The following GABBR2 variants were observed in gnomAD, a reference collection of about 807,000 sequenced individuals.
The protein encoded by GABBR2 is G-protein coupled receptor 51.
A neutral mutation model predicts 105.6 loss-of-function variants in GABBR2; 23 were observed. The observed-to-expected ratio is 0.22, with a 90% CI of 0.16 to 0.31. GABBR2 has a LOEUF of 0.31. Among genes scored for constraint, GABBR2 ranks in the 10% least tolerant of loss-of-function variants. The pLI, the probability that GABBR2 is intolerant of heterozygous loss-of-function variation, is 1.00. For missense variants in GABBR2, 734 were observed against 1,245.5 expected, an observed-to-expected ratio of 0.59 and a Z score of 6.18; for synonymous variants, 478 against 499.7, an observed-to-expected ratio of 0.96 and a Z score of 0.58.
At chr9:98,477,166 T>C (rs1427259869) in intron 5 of GABBR2, among the ~76,000 whole-genome samples, 2 of 152,232 alleles carry the variant, frequency 1.3e-5, no homozygotes, top group Non-Finnish European at 2.9e-5. Context: ...GTGCCTGGTA[T>C]ACAGGGGCTA....
At chr9:98,708,003 G>A (rs1830922836) in intron 1 of GABBR2, among the ~76,000 whole-genome samples, 1 of 152,230 alleles carries the variant, frequency 6.6e-6, no homozygotes, top group Admixed American at 6.5e-5. Flanking sequence ...CCGGCCCTGG[G>A]TGGCCCAGTT....
chr9:98,324,654 G>A (rs1830888848), intron 13 of GABBR2, among the ~76,000 whole-genome samples: 1 of 152,166 alleles, frequency 6.6e-6, no homozygotes, highest in Admixed American at 6.5e-5. Flanking sequence ...TTCCAAAACA[G>A]GATGCGTAAT....
intron 3 of GABBR2, among the ~76,000 whole-genome samples, chr9:98,509,329 G>A (rs1270280129): frequency 6.6e-6 from 1 of 152,174 alleles, no homozygotes; most frequent in African/African-American, 2.4e-5. Flanking sequence ...AAAAAACAGA[G>A]CAGAAAAACT....
At chr9:98,410,004 T>C (rs1422654036) in intron 7 of GABBR2, among the ~76,000 whole-genome samples, 1 of 152,126 alleles carries the variant, frequency 6.6e-6, no homozygotes, top group Non-Finnish European at 1.5e-5. Context: ...CAACAGGGCA[T>C]GGTGGGAACA....
rs150814272 is a variant in GABBR2, at chr9:98,428,382, G to T, written c.1237-22241C>A. On this transcript the variant is annotated intron_variant, in intron 7 of 18. Transcript: ENST00000259455. Reference sequence around the variant, plus strand: ...GGAGACGCAGCTCCAAAGCAGGGAGGAAGGCAAAGGCTGCACCTGACCAAT... The same window carrying T: ...GGAGACGCAGCTCCAAAGCAGGGAGTAAGGCAAAGGCTGCACCTGACCAAT... Among the ~76,000 whole-genome samples, 6 of 152,318 alleles carry T rather than the reference G, an allele frequency of 3.9e-5. No individual in the cohort carries two copies. In the East Asian group the frequency reaches 1.2e-3, roughly 29 times the overall value.
At chr9:98,696,457 G>T (rs1485881717) in intron 1 of GABBR2, among the ~76,000 whole-genome samples, 1 of 152,170 alleles carries the variant, frequency 6.6e-6, no homozygotes, top group Admixed American at 6.5e-5. Flanking sequence ...CTGGGAGGCC[G>T]CTGGACTGGT....
chr9:98,557,787 A>G (rs1828610965), intron 2 of GABBR2, among the ~76,000 whole-genome samples: 1 of 152,200 alleles, frequency 6.6e-6, no homozygotes, highest in African/African-American at 2.4e-5. Context: ...TTTTTCATTC[A>G]TGGCATTTAG....
intron 1 of GABBR2, among the ~76,000 whole-genome samples, chr9:98,586,297 T>A (rs941201509): frequency 6.7e-6 from 1 of 150,326 alleles, no homozygotes; most frequent in Non-Finnish European, 1.5e-5. Flanking sequence ...TTTTTTTTTT[T>A]TTTTTGTTTG....
At chr9:98,428,632 A>G (rs1825742437) in intron 7 of GABBR2, among the ~76,000 whole-genome samples, 1 of 152,218 alleles carries the variant, frequency 6.6e-6, no homozygotes, top group Admixed American at 6.5e-5. Flanking sequence ...CATGACTGGA[A>G]CTAAGCCAAT....
chr9:98,546,796 CT>C lies in GABBR2; in HGVS notation c.460-4754del, dbSNP rs1479824674. 3.5e-5 allele frequency among the ~76,000 whole-genome samples: 2 copies of C among 57,452 alleles called. 1 individual carries two copies. Among genetic ancestry groups the C allele is most frequent in the Non-Finnish European group, 9.2e-5 (2 of 21,764 alleles). The allele number at this position is 57,452 out of a possible 152,430, so 37.7% of individuals were successfully genotyped here. The stretch of plus-strand genomic sequence containing the variant: ...CCATCTCTTCTTTTTTAATGCTTCC[CT>C]TTTTTTGTTTCCTTTTGTTCCCGCT... On this transcript the variant is annotated intron_variant, in intron 2 of 18. Coordinates refer to ENST00000259455, the MANE Select transcript of GABBR2 (RefSeq NM_005458.8).
chr9:98,289,797 C>G lies in GABBR2; in HGVS notation c.*787G>C, dbSNP rs978726409. The G allele has an allele frequency of 6.5e-6, 1 of 152,682 alleles. No homozygotes were observed. The highest frequency in any genetic ancestry group is 1.5e-5 in the Non-Finnish European group (1 of 68,076). 9.5% of individuals were successfully genotyped at this position (152,682 alleles called of 1,614,324 possible). Reference sequence around the variant, plus strand: ...ATCCGATAGGAACACAAGGACATGGCCAACGTGGTGGGTGCATGACAGACT... The same window carrying G: ...ATCCGATAGGAACACAAGGACATGGGCAACGTGGTGGGTGCATGACAGACT... On this transcript the variant is annotated 3_prime_UTR_variant, in exon 19 of 19. Coordinates refer to ENST00000259455, the MANE Select transcript of GABBR2 (RefSeq NM_005458.8).
At chr9:98,498,752 G>T (rs1409061832) in intron 3 of GABBR2, among the ~76,000 whole-genome samples, 1 of 151,970 alleles carries the variant, frequency 6.6e-6, no homozygotes, top group Non-Finnish European at 1.5e-5. Context: ...TGGAAGATTG[G>T]TAACTAGTCA....
chr9:98,490,041 C>T (rs1314772595), intron 4 of GABBR2, among the ~76,000 whole-genome samples: 2 of 152,076 alleles, frequency 1.3e-5, no homozygotes, highest in Admixed American at 6.5e-5. Flanking sequence ...TGCAGTGAGC[C>T]GAGATCGTGC....
rs1179060712 is a variant in GABBR2 at position 98,460,093 on chromosome 9, T to C, written c.1000-5876A>G. On this transcript the variant is annotated intron_variant, in intron 6 of 18. Coordinates refer to ENST00000259455, the MANE Select transcript of GABBR2 (RefSeq NM_005458.8). The stretch of plus-strand genomic sequence containing the variant: ...TTCATAGGTGATCCAAATCTTGACA[T>C]TATTAGACATGAACTTTAAAATAGC... 4.6e-5 allele frequency among the ~76,000 whole-genome samples: 7 copies of C among 152,332 alleles called. No individual in the cohort carries two copies. In the East Asian group the frequency reaches 1.3e-3, roughly 29 times the overall value.
At chr9:98,364,318 C>A (rs1220187840) in intron 12 of GABBR2, among the ~76,000 whole-genome samples, 1 of 152,170 alleles carries the variant, frequency 6.6e-6, no homozygotes, top group African/African-American at 2.4e-5. Context: ...TTGGAAGGAG[C>A]CTCATATCTA....
At chr9:98,522,499 T>TAAAAA (rs1199647172) in intron 3 of GABBR2, among the ~76,000 whole-genome samples, 2 of 152,170 alleles carry the variant, frequency 1.3e-5, no homozygotes, top group African/African-American at 4.8e-5. Flanking sequence ...TAAAAAACTT[T>TAAAAA]ATCTCCAAAG....
intron 12 of GABBR2, among the ~76,000 whole-genome samples, chr9:98,369,175 G>A (rs1019522554): frequency 6.6e-6 from 1 of 152,186 alleles, no homozygotes; most frequent in Non-Finnish European, 1.5e-5. Context: ...CTCATCTTAC[G>A]GAGAGTTGTC....
rs149100360 is a variant in GABBR2, at chr9:98,425,768, G to A, written c.1237-19627C>T. 3.5e-3 allele frequency among the ~76,000 whole-genome samples: 527 copies of A among 152,216 alleles called. 5 individuals are homozygous for A. Among genetic ancestry groups the A allele is most frequent in the African/African-American group, 0.012 (496 of 41,540 alleles). On this transcript the variant is annotated intron_variant, in intron 7 of 18. Coordinates refer to ENST00000259455, the MANE Select transcript of GABBR2 (RefSeq NM_005458.8). ...AGCTGGGATCCGAGCTCAGGTCTGC[G>A]GAACTCTGAAGCCAGTTACTTCCCC...
At chr9:98,498,464 C>T (rs568485353) in intron 3 of GABBR2, among the ~76,000 whole-genome samples, 2 of 152,284 alleles carry the variant, frequency 1.3e-5, no homozygotes, top group East Asian at 1.9e-4. Flanking sequence ...TACATCAGAG[C>T]ATTTTGGATA....
Sources: gnomAD v4.1 joint callset for allele counts (sites outside exome capture counted in the v4.1 genomes callset) on GRCh38, gnomAD v4.1.1 for gene constraint, MANE v1.5 for transcripts, NCBI Gene and HGNC (gene_info 2026-07-23, HGNC 2026-07-21) for gene names.